The following MYO9B variants were observed in gnomAD, a reference collection of about 807,000 sequenced individuals.
The protein encoded by MYO9B is unconventional myosin-IXb.
A neutral mutation model predicts 229.5 loss-of-function variants in MYO9B; 71 were observed. The ratio of observed to expected loss-of-function variants is 0.31; its 90% confidence interval spans 0.26 to 0.38. The LOEUF is 0.38. Among genes scored for constraint, MYO9B ranks in the 10% least tolerant of loss-of-function variants. The probability of loss-of-function intolerance (pLI) is 1.00; values close to 1 mark genes in which losing one functional copy is unlikely to be tolerated. For synonymous variants in MYO9B, 1,185 were observed against 1,235.8 expected (o/e 0.96, Z 0.86); for missense variants, 2,255 against 2,920.5 (o/e 0.77, Z 5.25).
intron 1 of MYO9B, among the ~76,000 whole-genome samples, chr19:17,076,708 T>G (rs10469470): frequency 0.13 from 19,044 of 152,024 alleles, 1,335 homozygotes; most frequent in Non-Finnish European, 0.13. Flanking sequence ...CACCCTCCCC[T>G]TAAGACAGGA....
rs181786263 is a variant in MYO9B at position 17,139,611 on chromosome 19, G to A, written c.841-5786G>A. Among the ~76,000 whole-genome samples, 128 of 152,148 alleles carry A rather than the reference G, an allele frequency of 8.4e-4. No individual in the cohort carries two copies. In the Middle Eastern group the frequency reaches 0.01, roughly 12 times the overall value. On this transcript the variant is annotated intron_variant, in intron 2 of 39. Transcript: ENST00000682292. ...AAATAAGCCAGGTGTGCTGACACGT[G>A]CCTGTAGTCTCAGCTACCTGGGAGC... is the stretch of plus-strand genomic sequence containing the variant.
At chr19:17,177,554 G>A (rs1236027520) in intron 14 of MYO9B, 1 of 151,576 alleles carries the variant, frequency 6.6e-6, no homozygotes, top group Non-Finnish European at 1.5e-5. Flanking sequence ...TGTTGCCCAG[G>A]CTAATCTCAA....
In MYO9B at chr19:17,203,315, T is replaced by A; in HGVS notation, c.4990+57T>A. 5 of 1,352,232 alleles carry A rather than the reference T, an allele frequency of 3.7e-6. No homozygotes were observed. The South Asian group carries it at 5.2e-5, about 14-fold the overall frequency. The allele number at this position is 1,352,232 out of a possible 1,614,324, so 83.8% of individuals were successfully genotyped here. Reference sequence around the variant, plus strand: ...CTCCATGTCCCCCACCACCCCTCACTGCTCAAGAGGTCTTCAGGGCCAGGC... The same window carrying A: ...CTCCATGTCCCCCACCACCCCTCACAGCTCAAGAGGTCTTCAGGGCCAGGC... On this transcript the variant is annotated intron_variant, in intron 30 of 39. Transcript: ENST00000682292.
intron 2 of MYO9B, among the ~76,000 whole-genome samples, chr19:17,128,999 G>A (rs1469912773): frequency 2.0e-5 from 3 of 152,204 alleles, no homozygotes; most frequent in Admixed American, 6.6e-5. Context: ...CTCAGTGCCT[G>A]CATGGCCTTG....
At chr19:17,144,420 C>T (rs1221800905) in intron 2 of MYO9B, among the ~76,000 whole-genome samples, 1 of 147,530 alleles carries the variant, frequency 6.8e-6, no homozygotes, top group Non-Finnish European at 1.5e-5. Flanking sequence ...GCCTGGGCAA[C>T]ATGGCAAAAC....
chr19:17,179,153 G>C (rs2072826019), intron 14 of MYO9B, among the ~76,000 whole-genome samples: 1 of 151,816 alleles, frequency 6.6e-6, no homozygotes, highest in Non-Finnish European at 1.5e-5. Flanking sequence ...CCACCCACCA[G>C]ATGCCAGGAG....
In MYO9B at chr19:17,197,784, T is replaced by A; in HGVS notation, c.4047-8T>A. Reference sequence around the variant, plus strand: ...GTCAGTAAAAGCCATGTTTCTGTGATCTCGCAGGGAGAGGCGCACCTCCTT... The same window carrying A: ...GTCAGTAAAAGCCATGTTTCTGTGAACTCGCAGGGAGAGGCGCACCTCCTT... On this transcript the variant is annotated splice_polypyrimidine_tract_variant and splice_region_variant and intron_variant, in intron 22 of 39. Coordinates refer to ENST00000682292, the MANE Select transcript of MYO9B (RefSeq NM_004145.4). The A allele has an allele frequency of 6.2e-7, 1 of 1,613,780 alleles. No individual in the cohort carries two copies. The highest frequency in any genetic ancestry group is 1.7e-5 in the Admixed American group (1 of 60,004).
Position 17,162,976 on chromosome 19 carries a change from T to G in MYO9B, c.1537-12T>G. The G allele has an allele frequency of 6.2e-7, 1 of 1,607,638 alleles. No individual in the cohort carries two copies. The highest frequency in any genetic ancestry group is 2.2e-5 in the East Asian group (1 of 44,760). ...ACCTGCGGGCAGTGACCATTTTCTCTGTCTCTCCCAGTGCCTGTCCATTGG... is the reference window on the plus strand; with the variant it reads ...ACCTGCGGGCAGTGACCATTTTCTCGGTCTCTCCCAGTGCCTGTCCATTGG... On this transcript the variant is annotated splice_polypyrimidine_tract_variant and intron_variant, in intron 9 of 39. Transcript: ENST00000682292.
At chr19:17,160,375 GA>G (rs2072584728) in intron 8 of MYO9B, among the ~76,000 whole-genome samples, 1 of 152,062 alleles carries the variant, frequency 6.6e-6, no homozygotes, top group Non-Finnish European at 1.5e-5. Flanking sequence ...TGACACCCAA[GA>G]AATGCAAAAC....
rs59440394 is a variant in MYO9B, at chr19:17,090,118, C to CTTTTTTTTTTTTTT, written c.-58-11512_-58-11499dup. Among the ~76,000 whole-genome samples, 17 of 49,236 alleles carry CTTTTTTTTTTTTTT rather than the reference C, an allele frequency of 3.5e-4. 5 individuals carry two copies. The highest frequency in any genetic ancestry group is 1.9e-3 in the East Asian group (3 of 1,606). 32.3% of individuals were successfully genotyped at this position (49,236 alleles called of 152,430 possible). ...TATAGCATGAATCGGTGCTTCCTTC[C>CTTTTTTTTTTTTTT]TTTTTTTTTTTTTTTTTTTTTTTTT... On this transcript the variant is annotated intron_variant, in intron 1 of 39. Transcript: ENST00000682292.
intron 35 of MYO9B, 34 bp downstream of exon 35, chr19:17,207,278 G>A (rs764335400): frequency 6.3e-7 from 1 of 1,579,898 alleles, no homozygotes; most frequent in South Asian, 1.2e-5. Flanking sequence ...GGCATGCTCA[G>A]GGCAGCCCCA....
intron 9 of MYO9B, 93 bp downstream of exon 9, chr19:17,162,559 C>A: frequency 9.2e-7 from 1 of 1,088,570 alleles, no homozygotes; most frequent in Non-Finnish European, 1.3e-6. Flanking sequence ...ACATCCGGAG[C>A]CGAGGCATCT....
intron 24 of MYO9B, among the ~76,000 whole-genome samples, 174 bp downstream of exon 24, chr19:17,198,482 C>T (rs1271837537): frequency 1.3e-5 from 2 of 152,140 alleles, no homozygotes; most frequent in African/African-American, 4.8e-5. Flanking sequence ...CGCCTATAAT[C>T]CCAGCACTTT....
At chr19:17,086,774 G>A (rs1311158122) in intron 1 of MYO9B, among the ~76,000 whole-genome samples, 1 of 152,088 alleles carries the variant, frequency 6.6e-6, no homozygotes, top group Non-Finnish European at 1.5e-5. Flanking sequence ...CAGCTACTCG[G>A]GAGGCTGAGG....
chr19:17,178,995 C>T (rs904128915), intron 14 of MYO9B, among the ~76,000 whole-genome samples: 62 of 148,914 alleles, frequency 4.2e-4, no homozygotes, highest in African/African-American at 1.4e-3. Context: ...CACACCACTG[C>T]ACTCCAGCCT....
At chr19:17,171,260 A>G (rs1413301786) in intron 11 of MYO9B, among the ~76,000 whole-genome samples, 1 of 152,166 alleles carries the variant, frequency 6.6e-6, no homozygotes, top group Non-Finnish European at 1.5e-5. Flanking sequence ...GCATTTGCCA[A>G]ACCAACAACA....
intron 2 of MYO9B, among the ~76,000 whole-genome samples, chr19:17,137,225 C>CA (rs34273602): frequency 0.019 from 1,722 of 91,578 alleles, 12 homozygotes; most frequent in Middle Eastern, 0.049. Flanking sequence ...CAAACTGTCT[C>CA]AAAAAAAAAA....
chr19:17,080,193 A>G (rs2057522093), intron 1 of MYO9B, among the ~76,000 whole-genome samples: 1 of 152,186 alleles, frequency 6.6e-6, no homozygotes, highest in Non-Finnish European at 1.5e-5. Flanking sequence ...ACAGGGCTGT[A>G]TGTGCAAGAG....
At chr19:17,094,909 C>CT (rs1279978990) in intron 1 of MYO9B, among the ~76,000 whole-genome samples, 1 of 151,838 alleles carries the variant, frequency 6.6e-6, no homozygotes, top group African/African-American at 2.4e-5. Flanking sequence ...CACCACTGGA[C>CT]TCCAGCCTGG....
Sources: allele counts gnomAD v4.1 joint callset (sites outside exome capture counted in the v4.1 genomes callset), GRCh38; gene constraint gnomAD v4.1.1; transcripts MANE v1.5; gene names NCBI Gene and HGNC (gene_info 2026-07-23, HGNC 2026-07-21).